The following ROBO2 variants were observed in gnomAD, a reference collection of about 807,000 sequenced individuals.
ROBO2 encodes the protein roundabout homolog 2.
In ROBO2, 53 loss-of-function variants were observed where a neutral mutation model predicts 160.8. The ratio of observed to expected loss-of-function variants is 0.33; its 90% confidence interval spans 0.26 to 0.41. The LOEUF (loss-of-function observed/expected upper bound fraction) is 0.41, where lower values mean the gene tolerates loss of function less well. Ranked by LOEUF, ROBO2 falls within the 10% of genes least tolerant of loss-of-function variation. The pLI is 1.00. For synonymous variants in ROBO2, 664 were observed against 611.7 expected, an observed-to-expected ratio of 1.09 and a Z score of -1.26; for missense variants, 1,577 against 1,722.4, an observed-to-expected ratio of 0.92 and a Z score of 1.49.
At chr3:76,005,769 G>T (rs2066005256) in intron 2 of ROBO2, among the ~76,000 whole-genome samples, 1 of 152,128 alleles carries the variant, frequency 6.6e-6, no homozygotes, top group African/African-American at 2.4e-5. Flanking sequence ...TTGAATATGT[G>T]TAGATATAGA....
intron 2 of ROBO2, among the ~76,000 whole-genome samples, chr3:76,879,286 C>T (rs963880755): frequency 5.9e-5 from 9 of 152,072 alleles, no homozygotes; most frequent in African/African-American, 1.9e-4. Context: ...CTTTAATGTG[C>T]GTTTGGGTCA....
intron 2 of ROBO2, among the ~76,000 whole-genome samples, chr3:77,291,959 A>G (rs1454425907): frequency 1.3e-5 from 2 of 151,904 alleles, no homozygotes; most frequent in African/African-American, 4.8e-5. Flanking sequence ...AGCTGAGACT[A>G]GATCACCCCA....
At chr3:76,366,402 ACTCTGT>A (rs1019076065) in intron 2 of ROBO2, among the ~76,000 whole-genome samples, 2 of 151,846 alleles carry the variant, frequency 1.3e-5, no homozygotes, top group African/African-American at 4.8e-5. Flanking sequence ...TTTTTTTATG[ACTCTGT>A]CTCTGATACA....
chr3:77,632,578 G>A (rs753114815), intron 23 of ROBO2: 40 of 1,535,718 alleles, frequency 2.6e-5, no homozygotes, highest in African/African-American at 2.2e-4. Flanking sequence ...CTTTGCCAGC[G>A]GCAGTTTTGC....
intron 2 of ROBO2, among the ~76,000 whole-genome samples, chr3:76,252,824 G>C (rs1706106207): frequency 6.8e-6 from 1 of 146,470 alleles, no homozygotes; most frequent in South Asian, 2.1e-4. Flanking sequence ...GTTTTTTTTT[G>C]AAGGAATTCA....
At chr3:76,074,724 C>T (rs1261316214) in intron 2 of ROBO2, among the ~76,000 whole-genome samples, 1 of 151,706 alleles carries the variant, frequency 6.6e-6, no homozygotes, top group African/African-American at 2.4e-5. Context: ...GTAAAATAGT[C>T]AATAAAATGA....
chr3:76,236,961 C>A (rs1254587446), intron 2 of ROBO2, among the ~76,000 whole-genome samples: 1 of 151,722 alleles, frequency 6.6e-6, no homozygotes, highest in African/African-American at 2.4e-5. Context: ...GTTAAATTAC[C>A]AAAGCTAATT....
At chr3:77,278,349 A>G (rs889447590) in intron 2 of ROBO2, among the ~76,000 whole-genome samples, 2 of 152,136 alleles carry the variant, frequency 1.3e-5, no homozygotes, top group African/African-American at 4.8e-5. Flanking sequence ...ATAACACTGT[A>G]ACTCATATCT....
intron 2 of ROBO2, among the ~76,000 whole-genome samples, chr3:76,431,905 G>A (rs4856032): frequency 0.36 from 54,456 of 151,920 alleles, 11,698 homozygotes; most frequent in South Asian, 0.5. Context: ...TTGACATTTT[G>A]GGACACTGAA....
At chr3:77,206,108 G>A (rs1413059095) in intron 2 of ROBO2, among the ~76,000 whole-genome samples, 1 of 151,814 alleles carries the variant, frequency 6.6e-6, no homozygotes, top group Non-Finnish European at 1.5e-5. Context: ...TGCTGTCTTC[G>A]CTTTTTTTCT....
chr3:76,218,371 T>C (rs1703712409), intron 2 of ROBO2, among the ~76,000 whole-genome samples: 1 of 152,156 alleles, frequency 6.6e-6, no homozygotes, highest in African/African-American at 2.4e-5. Flanking sequence ...GGAAGTCAAA[T>C]TGTCCCTGTT....
intron 13 of ROBO2, among the ~76,000 whole-genome samples, chr3:77,569,876 A>G (rs1192204412): frequency 6.6e-6 from 1 of 151,972 alleles, no homozygotes; most frequent in African/African-American, 2.4e-5. Flanking sequence ...TTTAAGAGTA[A>G]TTATGATTAT....
chr3:76,240,555 A>G (rs887614502), intron 2 of ROBO2, among the ~76,000 whole-genome samples: 2 of 152,230 alleles, frequency 1.3e-5, no homozygotes, highest in Non-Finnish European at 2.9e-5. Flanking sequence ...TGTTTTAGAG[A>G]CATCTAGAAT....
chr3:76,201,392 A>G (rs993244657), intron 2 of ROBO2, among the ~76,000 whole-genome samples: 2 of 152,118 alleles, frequency 1.3e-5, no homozygotes, highest in African/African-American at 4.8e-5. Flanking sequence ...TTACATCTCA[A>G]TTATCTTGTT....
chr3:76,014,003 T>A (rs1183630421), intron 2 of ROBO2, among the ~76,000 whole-genome samples: 39 of 147,554 alleles, frequency 2.6e-4, no homozygotes, highest in African/African-American at 9.8e-4. Flanking sequence ...CTGGGCATGG[T>A]GGTTTATGCG....
At chr3:77,156,900 A>G (rs780965002) in intron 2 of ROBO2, among the ~76,000 whole-genome samples, 2 of 151,942 alleles carry the variant, frequency 1.3e-5, no homozygotes, top group Non-Finnish European at 2.9e-5. Context: ...ATTTTTATCT[A>G]TATCGGTTGT....
chr3:77,122,183 G>C (rs555117189), intron 2 of ROBO2, among the ~76,000 whole-genome samples: 1 of 152,136 alleles, frequency 6.6e-6, no homozygotes, highest in Non-Finnish European at 1.5e-5. Context: ...TAACTCTCTT[G>C]TTCTACACAG....
At chr3:77,398,880 T>C (rs777565358) in intron 2 of ROBO2, among the ~76,000 whole-genome samples, 3 of 152,130 alleles carry the variant, frequency 2.0e-5, no homozygotes, top group Non-Finnish European at 2.9e-5. Context: ...CTACCATGCC[T>C]GACCATTACT....
chr3:76,617,385 A>G (rs999195895), intron 2 of ROBO2, among the ~76,000 whole-genome samples: 2 of 152,170 alleles, frequency 1.3e-5, no homozygotes, highest in African/African-American at 2.4e-5. Flanking sequence ...TTATCGTATG[A>G]AACTTTATAA....
Sources: allele counts gnomAD v4.1 joint callset (sites outside exome capture counted in the v4.1 genomes callset), GRCh38; gene constraint gnomAD v4.1.1; transcripts MANE v1.5; gene names NCBI Gene and HGNC (gene_info 2026-07-23, HGNC 2026-07-21).